Variants in PATL2 observed in about 807,000 individuals in gnomAD.
PATL2 encodes the protein PAT1 homolog 2.
PATL2 carries 73 observed loss-of-function variants against 77.0 expected under a neutral mutation model. That is an observed-to-expected ratio of 0.95 (90% CI 0.78 to 1.15). The LOEUF is 1.15. PATL2 is among the 50% of genes most tolerant of loss of function. The probability of loss-of-function intolerance (pLI) is 0.00; values close to 1 mark genes in which losing one functional copy is unlikely to be tolerated. For synonymous variants in PATL2, 265 were observed against 257.1 expected (o/e 1.03, Z -0.29); for missense variants, 618 against 655.4 (o/e 0.94, Z 0.62).
At chr15:44,672,218 G>C in intron 8 of PATL2, 62 bp from the exon 9 acceptor site, 1 of 1,550,696 alleles carries the variant, frequency 6.4e-7, no homozygotes, top group Non-Finnish European at 8.7e-7. Flanking sequence ...TAAGGAGTGT[G>C]GTGAGCAGGA....
At chr15:44,687,356 C>A (rs1329675355) in intron 3 of PATL2, among the ~76,000 whole-genome samples, 2 of 152,160 alleles carry the variant, frequency 1.3e-5, no homozygotes, top group Non-Finnish European at 2.9e-5. Flanking sequence ...AAATTCAACA[C>A]CCTTTCATGC....
chr15:44,676,790 C>T, intron 3 of PATL2: 1 of 1,217,082 alleles, frequency 8.2e-7, no homozygotes, highest in Non-Finnish European at 1.0e-6. Context: ...AGGCTAGAAG[C>T]AGGAAGAGAA....
intron 9 of PATL2, among the ~76,000 whole-genome samples, chr15:44,670,918 A>G (rs1419279678): frequency 6.6e-6 from 1 of 152,234 alleles, no homozygotes; most frequent in Non-Finnish European, 1.5e-5. Flanking sequence ...CCAGTTTTAT[A>G]CTTCTGTGGA....
intron 3 of PATL2, among the ~76,000 whole-genome samples, chr15:44,694,468 G>C (rs2086460969): frequency 6.6e-6 from 1 of 152,132 alleles, no homozygotes; most frequent in Admixed American, 6.5e-5. Context: ...TCTCACTAGA[G>C]AGAGCTGTTT....
At position 44,666,449 on chromosome 15, in the gene PATL2, G is replaced by T; in HGVS notation, c.1556C>A (p.Pro519His). 3 of 1,551,712 alleles carry T rather than the reference G, an allele frequency of 1.9e-6. No homozygotes were observed. The highest frequency in any genetic ancestry group is 2.6e-6 in the Non-Finnish European group (3 of 1,146,994). The change falls in exon 17 of 18, where the codon CCC becomes CAC. Residue 519 changes from proline (P) to histidine (H), a missense_variant. Coordinates refer to ENST00000682850, the MANE Select transcript of PATL2 (RefSeq NM_001387263.1). ...EPLAFPSNLL[P>H]LFCHHVDKQL... ...TTTGTCCACGTGGTGACAGAACAGG[G>T]GAAGTAGGTTGCTGGGGAAAGCTAG...
intron 9 of PATL2, among the ~76,000 whole-genome samples, chr15:44,670,878 T>C (rs139243824): frequency 3.0e-4 from 45 of 152,372 alleles, no homozygotes; most frequent in African/African-American, 9.1e-4. Flanking sequence ...GAACTAGCTA[T>C]AGGGAAGTGT....
chr15:44,705,332 G>A (rs2086711654), intron 3 of PATL2, among the ~76,000 whole-genome samples: 1 of 151,956 alleles, frequency 6.6e-6, no homozygotes, highest in African/African-American at 2.4e-5. Flanking sequence ...AAAGGCGCCT[G>A]CTGCCACGTC....
At chr15:44,705,712 C>T (rs2086720278) in intron 3 of PATL2, among the ~76,000 whole-genome samples, 1 of 149,598 alleles carries the variant, frequency 6.7e-6, no homozygotes, top group African/African-American at 2.5e-5. Flanking sequence ...TTGCTTGATT[C>T]TTTTTAGTTA....
At chr15:44,667,412 A>T (rs1315634412) in intron 15 of PATL2, 1 of 537,870 alleles carries the variant, frequency 1.9e-6, no homozygotes, top group Non-Finnish European at 3.3e-6. Context: ...CTTTTCCAAA[A>T]GACACTCTTG....
chr15:44,672,558 C>A, intron 7 of PATL2, 102 bp from the exon 8 acceptor site: 1 of 1,184,896 alleles, frequency 8.4e-7, no homozygotes, highest in Non-Finnish European at 1.2e-6. Context: ...ATCTAAGGAA[C>A]CTTATCTGTT....
intron 3 of PATL2, among the ~76,000 whole-genome samples, chr15:44,694,162 T>C (rs1221978797): frequency 6.6e-6 from 1 of 152,206 alleles, no homozygotes; most frequent in Admixed American, 6.5e-5. Flanking sequence ...AGTTATGTAC[T>C]GACTGAGCCA....
At chr15:44,673,187 C>G in intron 7 of PATL2, 48 bp downstream of exon 7, 1 of 1,544,310 alleles carries the variant, frequency 6.5e-7, no homozygotes, top group Non-Finnish European at 8.7e-7. Context: ...CCCGCCCCTC[C>G]TCAGCCAGCA....
chr15:44,689,165 C>A (rs1167157684), intron 3 of PATL2, among the ~76,000 whole-genome samples: 1 of 152,136 alleles, frequency 6.6e-6, no homozygotes, highest in Non-Finnish European at 1.5e-5. Flanking sequence ...CAAAGAGATA[C>A]CAACTCATGC....
intron 3 of PATL2, among the ~76,000 whole-genome samples, chr15:44,695,710 A>T (rs2086489380): frequency 6.6e-6 from 1 of 152,128 alleles, no homozygotes; most frequent in Non-Finnish European, 1.5e-5. Context: ...CTCAAAACAA[A>T]AACAGTCACA....
chr15:44,694,115 A>G (rs1179032875), intron 3 of PATL2, among the ~76,000 whole-genome samples: 1 of 152,196 alleles, frequency 6.6e-6, no homozygotes, highest in Non-Finnish European at 1.5e-5. Context: ...AATAATCCCA[A>G]TTTTGTGGAA....
chr15:44,711,235 T>C lies in PATL2; in HGVS notation c.-469A>G, dbSNP rs886087008. 11 of 543,536 alleles carry C rather than the reference T, an allele frequency of 2.0e-5. No individual in the cohort carries two copies. The highest frequency in any genetic ancestry group is 3.3e-5 in the Non-Finnish European group (10 of 300,782). 33.7% of individuals were successfully genotyped at this position (543,536 alleles called of 1,614,324 possible). ...GCAAAGCGAGGGGGCAGCCTTAATG[T>C]GCCTCCAGCCTGAAGTCCTAGAATG... On this transcript the variant is annotated 5_prime_UTR_variant, in exon 1 of 18. Coordinates refer to ENST00000682850, the MANE Select transcript of PATL2 (RefSeq NM_001387263.1).
intron 3 of PATL2, among the ~76,000 whole-genome samples, chr15:44,684,632 G>A (rs1053143407): frequency 2.6e-5 from 4 of 152,082 alleles, no homozygotes; most frequent in Admixed American, 6.6e-5. Context: ...TGGTGTACCC[G>A]AAAGTGATGG....
intron 3 of PATL2, among the ~76,000 whole-genome samples, chr15:44,700,527 C>T (rs1479939056): frequency 1.3e-5 from 2 of 152,130 alleles, no homozygotes; most frequent in Non-Finnish European, 2.9e-5. Flanking sequence ...GTCTTGAACT[C>T]CTGACCTCAA....
chr15:44,703,723 CTTTT>C (rs933165876), intron 3 of PATL2, among the ~76,000 whole-genome samples: 766 of 32,830 alleles, frequency 0.023, 5 homozygotes, highest in East Asian at 0.12. Flanking sequence ...CCGGGTCTTG[CTTTT>C]TTTTTTTTTT....
Sources: gnomAD v4.1 joint callset for allele counts (sites outside exome capture counted in the v4.1 genomes callset) on GRCh38, gnomAD v4.1.1 for gene constraint, MANE v1.5 for transcripts, NCBI Gene and HGNC (gene_info 2026-07-23, HGNC 2026-07-21) for gene names.